TRIM9: variants seen among roughly 807,000 people sequenced by gnomAD.
The protein encoded by TRIM9 is tripartite motif containing 9.
In TRIM9, 26 loss-of-function variants were observed where a neutral mutation model predicts 78.3. The observed-to-expected ratio is 0.33, with a 90% CI of 0.24 to 0.46. The LOEUF (loss-of-function observed/expected upper bound fraction) is 0.46. Among genes scored for constraint, TRIM9 ranks in the 20% least tolerant of loss-of-function variants. The pLI, the probability that TRIM9 is intolerant of heterozygous loss-of-function variation, is 1.00. For synonymous variants in TRIM9, 398 were observed against 416.5 expected (o/e 0.96, Z 0.54); for missense variants, 787 against 1,036.4 (o/e 0.76, Z 3.30).
chr14:51,010,968 C>G (rs1181299326), intron 3 of TRIM9, among the ~76,000 whole-genome samples: 1 of 152,142 alleles, frequency 6.6e-6, no homozygotes, highest in Non-Finnish European at 1.5e-5. Context: ...AGTTCCTTTC[C>G]CTTCCTGCCC....
chr14:51,001,162 G>A (rs993029128), intron 5 of TRIM9, among the ~76,000 whole-genome samples: 12 of 152,076 alleles, frequency 7.9e-5, no homozygotes, highest in Non-Finnish European at 1.3e-4. Flanking sequence ...TTACATGGAG[G>A]CTGGGGTTCC....
At chr14:51,022,240 G>C (rs530653179) in intron 3 of TRIM9, among the ~76,000 whole-genome samples, 13 of 152,194 alleles carry the variant, frequency 8.5e-5, no homozygotes, top group Non-Finnish European at 1.5e-4. Flanking sequence ...CTGCCTTCAT[G>C]AATGGACGAA....
intron 1 of TRIM9, among the ~76,000 whole-genome samples, chr14:51,045,428 G>A (rs2059880698): frequency 6.6e-6 from 1 of 152,238 alleles, no homozygotes; most frequent in Non-Finnish European, 1.5e-5. Context: ...AGGATGGGCT[G>A]CCTGAAGAGG....
chr14:50,998,136 T>C lies in TRIM9; in HGVS notation c.1517A>G (p.Asn506Ser). 6.2e-7 allele frequency: 1 copy of C among 1,614,190 alleles called. No individual in the cohort carries two copies. The highest frequency in any genetic ancestry group is 8.5e-7 in the Non-Finnish European group (1 of 1,180,028). The change falls in exon 7 of 13, where the codon AAC (asparagine) becomes AGC (serine). Residue 506 changes from asparagine to serine, a missense_variant. Around this residue, in one of 3 missense-constraint regions of TRIM9, gnomAD observed 421 missense variants for 514.3 expected, o/e 0.82. Transcript: ENST00000684578. ...CTTGACCCGAGCGTTGTATGTGCTG[T>C]TGAAGTGAAGACCATCCACAGTGCA... ...TMCTVDGLHFNSTYNARVKAF... is the reference protein window; with the variant it reads ...TMCTVDGLHFSSTYNARVKAF...
chr14:51,011,035 G>A (rs2039795), intron 3 of TRIM9, among the ~76,000 whole-genome samples: 129,241 of 152,154 alleles, frequency 0.85, 55,144 homozygotes, highest in African/African-American at 0.89. Flanking sequence ...TGGATGGTGG[G>A]GGACCTGGAA....
In TRIM9 at chr14:51,060,983, A is replaced by G. The variant is rs1238735910; in HGVS notation, c.822+33135T>C. Among the ~76,000 whole-genome samples, 5 of 152,260 alleles carry G rather than the reference A, an allele frequency of 3.3e-5. No individual in the cohort carries two copies. The South Asian group carries it at 6.2e-4, about 19-fold the overall frequency. On this transcript the variant is annotated intron_variant, in intron 1 of 12. Transcript: ENST00000684578. ...TGAGTCTTTTTCATTTTAATAAGTT[A>G]TATAAAATGGCATCTTATTATGGCT...
chr14:50,996,938 T>C, intron 7 of TRIM9: 1 of 985,430 alleles, frequency 1.0e-6, no homozygotes, highest in Non-Finnish European at 1.2e-6. Flanking sequence ...AAATTGTGCT[T>C]GTTTTTAACC....
chr14:50,992,523 C>T (rs994181133), intron 7 of TRIM9, among the ~76,000 whole-genome samples: 9 of 151,876 alleles, frequency 5.9e-5, no homozygotes, highest in Admixed American at 3.3e-4. Flanking sequence ...CAGTGAGCCA[C>T]GATCGTGACA....
intron 6 of TRIM9, among the ~76,000 whole-genome samples, chr14:50,999,763 G>A (rs936523672): frequency 2.6e-5 from 4 of 152,132 alleles, no homozygotes; most frequent in African/African-American, 9.7e-5. Flanking sequence ...GCTCCCTTAG[G>A]AAGCTCCAAG....
At chr14:51,031,510 T>C (rs1345296735) in intron 1 of TRIM9, among the ~76,000 whole-genome samples, 1 of 152,200 alleles carries the variant, frequency 6.6e-6, no homozygotes, top group Non-Finnish European at 1.5e-5. Flanking sequence ...GATTTTCCCC[T>C]TCCTGATTTT....
chr14:51,032,851 C>A (rs1342450072), intron 1 of TRIM9, among the ~76,000 whole-genome samples: 4 of 152,174 alleles, frequency 2.6e-5, no homozygotes, highest in Non-Finnish European at 4.4e-5. Flanking sequence ...GGTTGAATAT[C>A]CCTGTTCTGA....
chr14:51,070,628 T>C (rs1472806511), intron 1 of TRIM9, among the ~76,000 whole-genome samples: 1 of 152,120 alleles, frequency 6.6e-6, no homozygotes, highest in African/African-American at 2.4e-5. Context: ...GAGTGTCATA[T>C]TGGTGCTCAC....
intron 11 of TRIM9, among the ~76,000 whole-genome samples, chr14:50,980,610 G>T (rs143882794): frequency 6.6e-6 from 1 of 152,218 alleles, no homozygotes; most frequent in African/African-American, 2.4e-5. Flanking sequence ...TGATGGTTAT[G>T]TCATTATTCA....
chr14:50,987,222 T>C (rs2052833670), intron 7 of TRIM9, among the ~76,000 whole-genome samples: 1 of 152,228 alleles, frequency 6.6e-6, no homozygotes, highest in African/African-American at 2.4e-5. Flanking sequence ...CGTGAATTTT[T>C]TTCTGGTTTG....
chr14:51,003,259 C>A (rs1265686248), intron 5 of TRIM9, among the ~76,000 whole-genome samples: 3 of 151,990 alleles, frequency 2.0e-5, no homozygotes, highest in Admixed American at 6.5e-5. Flanking sequence ...TTTTGGGAAA[C>A]CATTCTTCAA....
At chr14:51,002,385 C>T (rs536229593) in intron 5 of TRIM9, among the ~76,000 whole-genome samples, 8 of 152,146 alleles carry the variant, frequency 5.3e-5, no homozygotes, top group Admixed American at 3.3e-4. Context: ...CCACCTGCCT[C>T]GGCCTCCCAA....
At chr14:51,084,652 C>A (rs997194652) in intron 1 of TRIM9, among the ~76,000 whole-genome samples, 1 of 152,154 alleles carries the variant, frequency 6.6e-6, no homozygotes. Context: ...GTGACTAATG[C>A]TCTTGGGATA....
Position 50,981,932 on chromosome 14 carries a change from G to A in TRIM9, c.2030C>T (p.Pro677Leu), listed in dbSNP as rs769903140. Residue 677 changes from proline (P) to leucine (L), a missense_variant, in exon 11 of 13, where the codon CCT becomes CTT. Pro to Leu is a moderately conservative substitution (Grantham distance 98). Coordinates refer to ENST00000684578, the MANE Select transcript of TRIM9 (RefSeq NM_001387360.1). ...GCGAGCCACACCAAAGGCAGGATCA[G>A]GGTGGTTGTCATAGCGATCTACCGT... ...ELTVDRYDNH[P>L]DPAFGVARMD... The A allele has an allele frequency of 6.2e-7, 1 of 1,614,208 alleles. No homozygotes were observed. Among genetic ancestry groups the A allele is most frequent in the South Asian group, 1.1e-5 (1 of 91,072 alleles).
At chr14:50,993,561 T>A (rs1020212338) in intron 7 of TRIM9, among the ~76,000 whole-genome samples, 1 of 152,074 alleles carries the variant, frequency 6.6e-6, no homozygotes, top group Admixed American at 6.5e-5. Flanking sequence ...AGAGACAGGG[T>A]TTCTCCATGT....
Sources: allele counts gnomAD v4.1 joint callset (sites outside exome capture counted in the v4.1 genomes callset), GRCh38; gene constraint gnomAD v4.1.1; regional missense constraint gnomAD v4.1.1; transcripts MANE v1.5; gene names NCBI Gene and HGNC (gene_info 2026-07-23, HGNC 2026-07-21).